Variants in USP9X observed in about 807,000 individuals in gnomAD.
USP9X encodes the protein ubiquitin specific peptidase 9 X-linked.
In USP9X, 7 loss-of-function variants were observed where a neutral mutation model predicts 190.3. The ratio of observed to expected loss-of-function variants is 0.04; its 90% CI spans 0.02 to 0.07. The LOEUF (loss-of-function observed/expected upper bound fraction) is 0.07. Among genes scored for constraint, USP9X ranks in the 10% least tolerant of loss-of-function variants. The pLI, the probability that USP9X is intolerant of heterozygous loss-of-function variation, is 1.00. For synonymous variants in USP9X, 645 were observed against 659.5 expected (o/e 0.98, Z 0.34); for missense variants, 1,010 against 1,916.9 (o/e 0.53, Z 8.83).
At chrX:41,204,674 A>G (rs1021773263) in intron 31 of USP9X, among the ~76,000 whole-genome samples, 2 of 111,475 alleles carry the variant, frequency 1.8e-5, no homozygotes, top group African/African-American at 6.5e-5. Flanking sequence ...TACCTTTTCT[A>G]TTTTTAGATG....
chrX:41,174,218 G>A (rs904783459), intron 21 of USP9X, among the ~76,000 whole-genome samples: 2 of 111,777 alleles, frequency 1.8e-5, no homozygotes, highest in Non-Finnish European at 3.8e-5. Context: ...TGCAACACGT[G>A]ACTGTAATCT....
chrX:41,150,783 CTT>C (rs2062517639), intron 12 of USP9X, 136 bp from the exon 13 acceptor site: 2 of 634,855 alleles, frequency 3.2e-6, no homozygotes, highest in African/African-American at 4.6e-5. Flanking sequence ...AAATTAAACT[CTT>C]TACTGTAATT....
At chrX:41,215,875 G>T in intron 34 of USP9X, 24 bp from the exon 35 acceptor site, 1 of 1,171,977 alleles carries the variant, frequency 8.5e-7, no homozygotes, top group Non-Finnish European at 1.1e-6. Flanking sequence ...AGAACATCTG[G>T]TAACTTTGTC....
intron 12 of USP9X, 45 bp downstream of exon 12, chrX:41,148,620 C>T: frequency 8.8e-7 from 1 of 1,129,957 alleles, no homozygotes; most frequent in Non-Finnish European, 1.2e-6. Flanking sequence ...TTTTCCCCTT[C>T]AGTTAGGTTG....
At chrX:41,141,548 G>A (rs1266105979) in intron 9 of USP9X, 117 bp downstream of exon 9, 1 of 772,570 alleles carries the variant, frequency 1.3e-6, no homozygotes, top group African/African-American at 2.2e-5. Flanking sequence ...GAAATTGGGA[G>A]GTGTTTTGAT....
intron 1 of USP9X, among the ~76,000 whole-genome samples, chrX:41,099,122 TAA>T (rs1366457420): frequency 1.3e-5 from 1 of 77,944 alleles, no homozygotes; most frequent in Non-Finnish European, 2.5e-5. Context: ...TTTTTTTTTT[TAA>T]ACAGAGATGG....
At chrX:41,141,560 G>T in intron 9 of USP9X, 129 bp downstream of exon 9, 7 of 667,468 alleles carry the variant, frequency 1.0e-5, no homozygotes, top group Non-Finnish European at 6.1e-6. Flanking sequence ...TGTTTTGATT[G>T]ATTTATAACT....
intron 1 of USP9X, among the ~76,000 whole-genome samples, chrX:41,115,799 A>T (rs191336153): frequency 2.8e-4 from 31 of 112,089 alleles, no homozygotes; most frequent in African/African-American, 8.7e-4. Flanking sequence ...GAGAGAAGAA[A>T]ATCTTAAGTA....
At chrX:41,204,418 T>G (rs1433319540) in intron 31 of USP9X, among the ~76,000 whole-genome samples, 1 of 110,367 alleles carries the variant, frequency 9.1e-6, no homozygotes, top group African/African-American at 3.3e-5. Context: ...CCTATGTTTT[T>G]TTTTTTTTTT....
chrX:41,114,609 A>T (rs1359251886), intron 1 of USP9X, among the ~76,000 whole-genome samples: 8 of 106,594 alleles, frequency 7.5e-5, no homozygotes, highest in Non-Finnish European at 1.5e-4. Context: ...CCTCCCTAGT[A>T]GCTGGGATTA....
At chrX:41,091,151 G>A (rs2061952450) in intron 1 of USP9X, among the ~76,000 whole-genome samples, 1 of 110,238 alleles carries the variant, frequency 9.1e-6, no homozygotes, top group Non-Finnish European at 1.9e-5. Context: ...AGGAGAGATT[G>A]GATTAAGTTG....
At chrX:41,102,061 C>T (rs1039632842) in intron 1 of USP9X, among the ~76,000 whole-genome samples, 2 of 111,125 alleles carry the variant, frequency 1.8e-5, no homozygotes, top group Non-Finnish European at 3.8e-5. Flanking sequence ...AATCTGAGAT[C>T]GATTTTGGTG....
chrX:41,150,200 C>T (rs1036423518), intron 12 of USP9X, among the ~76,000 whole-genome samples: 16 of 109,300 alleles, frequency 1.5e-4, no homozygotes, highest in African/African-American at 5.3e-4. Flanking sequence ...TTTCCCTGTA[C>T]GCAAAAGTAA....
At position 41,085,682 on chromosome X, in the gene USP9X, G is replaced by A. The variant is rs555094602; in HGVS notation, c.-586G>A. On this transcript the variant is annotated 5_prime_UTR_variant, in exon 1 of 45. Coordinates refer to ENST00000378308, the MANE Select transcript of USP9X (RefSeq NM_001039591.3). ...CTTGGGTCGGCGCCGGGAGCGAGGA[G>A]CGAGCTACTTCAAAGCCACCAGGCC... The A allele has an allele frequency of 1.7e-5, 5 of 294,851 alleles. No individual in the cohort carries two copies. In the South Asian group the frequency reaches 1.1e-3, roughly 64 times the overall value. 24.3% of individuals were successfully genotyped at this position (294,851 alleles called of 1,213,427 possible).
intron 1 of USP9X, among the ~76,000 whole-genome samples, chrX:41,088,529 A>G (rs2061930026): frequency 8.9e-6 from 1 of 112,336 alleles, no homozygotes; most frequent in African/African-American, 3.2e-5. Flanking sequence ...AAATTTTAGT[A>G]TTAAAACCAA....
intron 31 of USP9X, among the ~76,000 whole-genome samples, chrX:41,201,976 A>G (rs185145290): frequency 8.9e-6 from 1 of 112,847 alleles, no homozygotes; most frequent in Non-Finnish European, 1.9e-5. Context: ...GTCTCAAAAA[A>G]AAAAAGCAAC....
chrX:41,228,138 G>A (rs1012560604), intron 41 of USP9X, among the ~76,000 whole-genome samples: 3 of 111,946 alleles, frequency 2.7e-5, no homozygotes, highest in Admixed American at 1.9e-4. Context: ...TGGTAAAAAC[G>A]AAATCATGCA....
chrX:41,125,016 A>G lies in USP9X; in HGVS notation c.96+1292A>G, dbSNP rs190373479. On this transcript the variant is annotated intron_variant, in intron 2 of 44. Coordinates refer to ENST00000378308, the MANE Select transcript of USP9X (RefSeq NM_001039591.3). ...ATTATTTCTTCATTAATTGTTTGGA[A>G]GATTTTACTGGTGGACCCATCTGGC... Among the ~76,000 whole-genome samples, 83 of 112,007 alleles carry G rather than the reference A, an allele frequency of 7.4e-4. No homozygotes were observed. In the East Asian group the frequency reaches 0.014, roughly 18 times the overall value.
At chrX:41,144,491 G>A (rs371009778) in intron 10 of USP9X, 31 bp from the exon 11 acceptor site, 10 of 1,093,345 alleles carry the variant, frequency 9.1e-6, no homozygotes, top group Non-Finnish European at 1.1e-5. Flanking sequence ...AGATTCTTGT[G>A]CATTGTGATT....
Sources: allele counts gnomAD v4.1 joint callset (sites outside exome capture counted in the v4.1 genomes callset), GRCh38; gene constraint gnomAD v4.1.1; transcripts MANE v1.5; gene names NCBI Gene and HGNC (gene_info 2026-07-23, HGNC 2026-07-21).